GRM8: variants seen among roughly 807,000 people sequenced by gnomAD.
GRM8 encodes the protein metabotropic glutamate receptor 8.
GRM8 carries 47 observed loss-of-function variants against 87.2 expected under a neutral mutation model. That is an observed-to-expected ratio of 0.54 (90% CI 0.43 to 0.69). GRM8 has a LOEUF of 0.69. Among genes scored for constraint, GRM8 ranks in the 30% least tolerant of loss-of-function variants. The probability of loss-of-function intolerance (pLI) is 0.00; values close to 1 mark genes in which losing one functional copy is unlikely to be tolerated. For synonymous variants in GRM8, 396 were observed against 404.5 expected, an observed-to-expected ratio of 0.98 and a Z score of 0.25; for missense variants, 1,019 against 1,139.2, an observed-to-expected ratio of 0.89 and a Z score of 1.52.
intron 6 of GRM8, among the ~76,000 whole-genome samples, chr7:126,868,074 C>T (rs1360233927): frequency 1.3e-5 from 2 of 152,174 alleles, no homozygotes; most frequent in Non-Finnish European, 2.9e-5. Flanking sequence ...AGCTCTCAGG[C>T]TGGTGGGTGA....
intron 6 of GRM8, among the ~76,000 whole-genome samples, chr7:126,800,891 A>G (rs1423576768): frequency 6.6e-6 from 1 of 152,154 alleles, no homozygotes; most frequent in African/African-American, 2.4e-5. Context: ...GCCATGTATT[A>G]TTAGTACTAT....
At chr7:126,668,079 T>G (rs889347467) in intron 7 of GRM8, among the ~76,000 whole-genome samples, 2 of 152,254 alleles carry the variant, frequency 1.3e-5, no homozygotes, top group South Asian at 4.2e-4. Flanking sequence ...TCCAGCCCTT[T>G]GCAGCGGTGA....
chr7:127,034,707 A>G (rs770861096), intron 3 of GRM8, among the ~76,000 whole-genome samples: 3 of 152,200 alleles, frequency 2.0e-5, no homozygotes, highest in Non-Finnish European at 4.4e-5. Flanking sequence ...CACTAGTACA[A>G]GCTCCAGGGG....
At chr7:127,069,146 A>G (rs1394376503) in intron 3 of GRM8, among the ~76,000 whole-genome samples, 2 of 152,250 alleles carry the variant, frequency 1.3e-5, no homozygotes, top group East Asian at 1.9e-4. Flanking sequence ...TGTTGTCTCC[A>G]TTGTAACCAT....
intron 2 of GRM8, among the ~76,000 whole-genome samples, chr7:127,236,358 TGG>T (rs1797980355): frequency 6.6e-6 from 1 of 152,246 alleles, no homozygotes; most frequent in African/African-American, 2.4e-5. Context: ...TGCCAGATAC[TGG>T]GTAATTTATA....
intron 3 of GRM8, among the ~76,000 whole-genome samples, chr7:127,008,051 T>G (rs1454934126): frequency 2.0e-5 from 3 of 151,952 alleles, no homozygotes; most frequent in Admixed American, 6.6e-5. Context: ...CATACGAAAG[T>G]GTAAAAACAA....
intron 7 of GRM8, among the ~76,000 whole-genome samples, chr7:126,676,306 G>C (rs1806953406): frequency 2.0e-5 from 3 of 152,150 alleles, no homozygotes; most frequent in Admixed American, 1.3e-4. Flanking sequence ...CCTGCCCAAA[G>C]CAGTCTGCAG....
At chr7:127,159,256 G>C (rs975861640) in intron 2 of GRM8, among the ~76,000 whole-genome samples, 4 of 152,122 alleles carry the variant, frequency 2.6e-5, no homozygotes, top group Non-Finnish European at 5.9e-5. Context: ...TTTAAATTAA[G>C]CATTTTAGTC....
intron 3 of GRM8, among the ~76,000 whole-genome samples, chr7:127,077,610 C>A (rs543423150): frequency 6.6e-6 from 1 of 152,156 alleles, no homozygotes; most frequent in Non-Finnish European, 1.5e-5. Context: ...ACTGTGAATA[C>A]GAGAGTATGA....
intron 3 of GRM8, among the ~76,000 whole-genome samples, chr7:126,936,831 C>T (rs758578380): frequency 6.6e-6 from 1 of 152,144 alleles, no homozygotes; most frequent in Non-Finnish European, 1.5e-5. Context: ...AGTACCCACC[C>T]ATCCTGGGCC....
At chr7:127,000,119 G>C (rs12706757) in intron 3 of GRM8, among the ~76,000 whole-genome samples, 48,604 of 151,574 alleles carry the variant, frequency 0.32, 8,162 homozygotes, top group African/African-American at 0.39. Flanking sequence ...AGGTAATTAT[G>C]TTAAGTGAAA....
chr7:126,606,380 G>T (rs183725571), intron 8 of GRM8, among the ~76,000 whole-genome samples: 8 of 152,266 alleles, frequency 5.3e-5, no homozygotes, highest in African/African-American at 1.9e-4. Context: ...TGGGCAAAGG[G>T]CTTTGTTGTA....
intron 7 of GRM8, among the ~76,000 whole-genome samples, chr7:126,629,936 A>G (rs2151168599): frequency 6.6e-6 from 1 of 152,280 alleles, no homozygotes; most frequent in Non-Finnish European, 1.5e-5. Flanking sequence ...AAACTGATGA[A>G]AACAATAATT....
At chr7:126,796,224 C>G (rs939729367) in intron 6 of GRM8, among the ~76,000 whole-genome samples, 28 of 151,936 alleles carry the variant, frequency 1.8e-4, no homozygotes, top group African/African-American at 6.8e-4. Context: ...TATAATTTAT[C>G]TCTGTTGTCC....
chr7:126,509,108 A>G (rs1172753004), intron 9 of GRM8, among the ~76,000 whole-genome samples: 1 of 152,114 alleles, frequency 6.6e-6, no homozygotes, highest in African/African-American at 2.4e-5. Context: ...CCCAGAATAA[A>G]TTTGAAAAGC....
intron 3 of GRM8, among the ~76,000 whole-genome samples, chr7:127,000,038 T>C (rs1424534631): frequency 6.6e-6 from 1 of 151,834 alleles, no homozygotes; most frequent in Non-Finnish European, 1.5e-5. Flanking sequence ...GTGGTACATA[T>C]ACACAATGGA....
intron 7 of GRM8, among the ~76,000 whole-genome samples, chr7:126,764,980 CACCTTTTTCT>C (rs1400633741): frequency 1.3e-5 from 2 of 152,022 alleles, no homozygotes; most frequent in African/African-American, 2.4e-5. Context: ...TTCTAAATGT[CACCTTTTTCT>C]ATAGGGAGTG....
intron 3 of GRM8, among the ~76,000 whole-genome samples, chr7:126,993,332 T>C (rs917020014): frequency 5.1e-4 from 77 of 152,282 alleles, no homozygotes; most frequent in African/African-American, 1.8e-3. Flanking sequence ...ATACATACAA[T>C]AGAATGTCAT....
intron 7 of GRM8, among the ~76,000 whole-genome samples, chr7:126,684,129 C>A (rs898827090): frequency 7.2e-5 from 11 of 151,864 alleles, no homozygotes; most frequent in Non-Finnish European, 2.9e-5. Context: ...GAAGGAAGAA[C>A]GTGAGAAAGA....
Sources: allele counts gnomAD v4.1 joint callset (sites outside exome capture counted in the v4.1 genomes callset), GRCh38; gene constraint gnomAD v4.1.1; transcripts MANE v1.5; gene names NCBI Gene and HGNC (gene_info 2026-07-23, HGNC 2026-07-21).